Variants in AREL1 observed in about 807,000 individuals in gnomAD.
AREL1 encodes the protein apoptosis-resistant E3 ubiquitin protein ligase 1.
Under a neutral mutation model 99.0 loss-of-function variants are expected in AREL1, and 62 were observed. The ratio of observed to expected loss-of-function variants is 0.63; its 90% confidence interval spans 0.51 to 0.77. The LOEUF (loss-of-function observed/expected upper bound fraction) is 0.77, where lower values mean the gene tolerates loss of function less well. Among genes scored for constraint, AREL1 ranks in the 30% least tolerant of loss-of-function variants. The probability of loss-of-function intolerance (pLI) is 0.00; values close to 1 mark genes in which losing one functional copy is unlikely to be tolerated. For synonymous variants in AREL1, 380 were observed against 376.5 expected, an observed-to-expected ratio of 1.01 and a Z score of -0.11; for missense variants, 879 against 1,027.6, an observed-to-expected ratio of 0.86 and a Z score of 1.98.
intron 2 of AREL1, among the ~76,000 whole-genome samples, chr14:74,687,484 G>T (rs2089773780): frequency 6.6e-6 from 1 of 152,122 alleles, no homozygotes; most frequent in Non-Finnish European, 1.5e-5. Context: ...TGACTTCAAT[G>T]CAACTCCCCA....
intron 5 of AREL1, among the ~76,000 whole-genome samples, chr14:74,681,261 T>C (rs2089620724): frequency 6.6e-6 from 1 of 151,966 alleles, no homozygotes; most frequent in Non-Finnish European, 1.5e-5. Flanking sequence ...CCCAAGCATT[T>C]TGGATGAAGA....
intron 2 of AREL1, among the ~76,000 whole-genome samples, chr14:74,688,274 C>T (rs1028655307): frequency 3.9e-5 from 6 of 152,250 alleles, no homozygotes; most frequent in Middle Eastern, 6.8e-3. Flanking sequence ...ATCCACCCGC[C>T]TCAGCCTCCC....
chr14:74,664,020 G>C lies in AREL1; in HGVS notation c.2248C>G (p.Arg750Gly). Residue 750 changes from arginine (R) to glycine (G), a missense_variant, in exon 19 of 20, where the codon CGG (arginine) becomes GGG (glycine). Physicochemically the swap from Arg to Gly is moderately radical, Grantham distance 125. Transcript: ENST00000356357. ...VSSLTQEELA[R>G]LLQFTTGSSQ... ...GAGCCTGTTGTGAACTGAAGTAGCC[G>C]AGCCAACTCCTCCTGGGTCAGACTG... 6.2e-7 allele frequency: 1 copy of C among 1,614,130 alleles called. No individual in the cohort carries two copies. The highest frequency in any genetic ancestry group is 1.3e-5 in the African/African-American group (1 of 75,040).
chr14:74,707,892 G>A (rs2139995586), intron 1 of AREL1, among the ~76,000 whole-genome samples: 1 of 151,096 alleles, frequency 6.6e-6, no homozygotes, highest in South Asian at 2.1e-4. Flanking sequence ...GGGAGGCGGA[G>A]CTTGCAGTGA....
intron 1 of AREL1, among the ~76,000 whole-genome samples, chr14:74,706,680 G>T (rs763012599): frequency 6.6e-6 from 1 of 152,208 alleles, no homozygotes; most frequent in Non-Finnish European, 1.5e-5. Flanking sequence ...CAAGCAATAT[G>T]TTGGACCCTA....
chr14:74,668,091 G>T (rs1283975084), intron 15 of AREL1, among the ~76,000 whole-genome samples: 1 of 152,182 alleles, frequency 6.6e-6, no homozygotes, highest in Non-Finnish European at 1.5e-5. Context: ...GAAGATCCTG[G>T]ATTCTAATCT....
chr14:74,688,776 A>T (rs138410635), intron 2 of AREL1, among the ~76,000 whole-genome samples: 1 of 152,226 alleles, frequency 6.6e-6, no homozygotes, highest in East Asian at 1.9e-4. Flanking sequence ...TTCGTTCTAC[A>T]AATTCCCCCT....
chr14:74,703,659 A>G (rs1181551347), intron 1 of AREL1, among the ~76,000 whole-genome samples: 3 of 152,186 alleles, frequency 2.0e-5, no homozygotes, highest in African/African-American at 7.2e-5. Flanking sequence ...GTTGTTACAC[A>G]TTTCGGTAGT....
chr14:74,695,861 G>A (rs761126156), intron 1 of AREL1, among the ~76,000 whole-genome samples: 2 of 152,160 alleles, frequency 1.3e-5, no homozygotes, highest in African/African-American at 4.8e-5. Context: ...GCTGAAGTTT[G>A]AGAAACATGG....
chr14:74,667,521 A>G lies in AREL1; in HGVS notation c.1988T>C (p.Leu663Pro). 6.2e-7 allele frequency: 1 copy of G among 1,613,954 alleles called. No homozygotes were observed. The highest frequency in any genetic ancestry group is 8.5e-7 in the Non-Finnish European group (1 of 1,179,888). The change falls in exon 16 of 20, where the codon CTG (leucine) becomes CCG (proline). Residue 663 changes from leucine (L) to proline (P), a missense_variant. By Grantham distance (98) the Leu-to-Pro change is moderately conservative (BLOSUM62 -3). Coordinates refer to ENST00000356357, the MANE Select transcript of AREL1 (RefSeq NM_001039479.2). ...TTGACTGGCCAGCCGATATTGGGCCAGCAAATTTAAATAGAAGATTTTATT... is the reference window on the plus strand; with the variant it reads ...TTGACTGGCCAGCCGATATTGGGCCGGCAAATTTAAATAGAAGATTTTATT... Reference protein sequence around the residue: ...NANKIFYLNLLAQYRLASQVK... With the variant: ...NANKIFYLNLPAQYRLASQVK...
At chr14:74,710,702 G>A (rs2090264147) in intron 1 of AREL1, among the ~76,000 whole-genome samples, 2 of 152,076 alleles carry the variant, frequency 1.3e-5, no homozygotes, top group African/African-American at 2.4e-5. Flanking sequence ...TAAAGCAGAA[G>A]GCACATACAG....
At chr14:74,678,017 T>C (rs2089532495) in intron 5 of AREL1, among the ~76,000 whole-genome samples, 1 of 152,172 alleles carries the variant, frequency 6.6e-6, no homozygotes. Flanking sequence ...AGATGTCAAT[T>C]TTCCCCAAAT....
At chr14:74,668,097 A>G (rs1328729246) in intron 15 of AREL1, among the ~76,000 whole-genome samples, 1 of 152,248 alleles carries the variant, frequency 6.6e-6, no homozygotes, top group Non-Finnish European at 1.5e-5. Flanking sequence ...CCTGGATTCT[A>G]ATCTCAGCCC....
chr14:74,706,241 A>G (rs1246555077), intron 1 of AREL1, among the ~76,000 whole-genome samples: 2 of 152,060 alleles, frequency 1.3e-5, no homozygotes, highest in East Asian at 3.9e-4. Context: ...AATTCTTTGA[A>G]CCTGACAAGC....
At chr14:74,680,414 A>G (rs1017879125) in intron 5 of AREL1, among the ~76,000 whole-genome samples, 1 of 152,242 alleles carries the variant, frequency 6.6e-6, no homozygotes, top group African/African-American at 2.4e-5. Context: ...ATTAAATGTT[A>G]GCAAGGATGT....
intron 1 of AREL1, among the ~76,000 whole-genome samples, chr14:74,708,651 A>C (rs1010664484): frequency 6.6e-5 from 10 of 152,134 alleles, no homozygotes; most frequent in African/African-American, 2.4e-4. Context: ...TATATAGAAA[A>C]TCAATTAACA....
At chr14:74,707,630 T>TA (rs2090206659) in intron 1 of AREL1, among the ~76,000 whole-genome samples, 1 of 151,638 alleles carries the variant, frequency 6.6e-6, no homozygotes, top group Non-Finnish European at 1.5e-5. Context: ...CCGTCTCTAC[T>TA]AAAAATACAA....
At chr14:74,697,425 A>C (rs1017138066) in intron 1 of AREL1, among the ~76,000 whole-genome samples, 12 of 152,184 alleles carry the variant, frequency 7.9e-5, no homozygotes, top group Non-Finnish European at 2.9e-5. Context: ...GGGTGGTCTA[A>C]CTAAGGAGGT....
intron 18 of AREL1, 118 bp downstream of exon 18, chr14:74,664,718 C>T (rs2089173202): frequency 5.5e-6 from 4 of 729,236 alleles, no homozygotes; most frequent in Non-Finnish European, 8.7e-6. Flanking sequence ...CTCAGCCTCC[C>T]AAAGTGCTGG....
Sources: gnomAD v4.1 joint callset for allele counts (sites outside exome capture counted in the v4.1 genomes callset) on GRCh38, gnomAD v4.1.1 for gene constraint, MANE v1.5 for transcripts, NCBI Gene and HGNC (gene_info 2026-07-23, HGNC 2026-07-21) for gene names.